CCDC102B: variants seen among roughly 807,000 people sequenced by gnomAD.
CCDC102B encodes the protein coiled-coil domain containing 102B.
A neutral mutation model predicts 57.4 loss-of-function variants in CCDC102B; 75 were observed. The ratio of observed to expected loss-of-function variants is 1.31; its 90% confidence interval spans 1.08 to 1.58. The LOEUF (loss-of-function observed/expected upper bound fraction) is 1.58. Among genes scored for constraint, CCDC102B ranks in the 40% most tolerant of loss-of-function variants. CCDC102B has a pLI of 0.00. For synonymous variants in CCDC102B, 206 were observed against 201.9 expected, an observed-to-expected ratio of 1.02 and a Z score of -0.17; for missense variants, 636 against 582.6, an observed-to-expected ratio of 1.09 and a Z score of -0.94.
intron 5 of CCDC102B, among the ~76,000 whole-genome samples, chr18:68,880,958 C>A (rs540790585): frequency 1.1e-3 from 165 of 152,280 alleles, no homozygotes; most frequent in African/African-American, 3.9e-3. Context: ...GTGTAGTTAG[C>A]AATGACTCAA....
chr18:69,043,059 A>T (rs1243476395), intron 7 of CCDC102B, among the ~76,000 whole-genome samples: 1 of 152,084 alleles, frequency 6.6e-6, no homozygotes, highest in African/African-American at 2.4e-5. Context: ...CAAGAGGGGG[A>T]TGTGTCAGGG....
chr18:68,745,881 G>A (rs1035315230), intron 2 of CCDC102B, among the ~76,000 whole-genome samples: 1 of 151,950 alleles, frequency 6.6e-6, no homozygotes, highest in African/African-American at 2.4e-5. Context: ...TGTCCTGCAC[G>A]CTCATTCATG....
At chr18:69,025,384 G>A (rs2051957050) in intron 7 of CCDC102B, among the ~76,000 whole-genome samples, 2 of 152,184 alleles carry the variant, frequency 1.3e-5, no homozygotes, top group South Asian at 4.1e-4. Context: ...AAGTTTCAAT[G>A]ACAGACTTTG....
intron 2 of CCDC102B, among the ~76,000 whole-genome samples, chr18:68,717,076 C>CAA (rs762558435): frequency 1.3e-4 from 13 of 103,214 alleles, no homozygotes; most frequent in South Asian, 3.3e-4. Context: ...GACTCTGTTT[C>CAA]AAAAAAAAAA....
chr18:68,827,854 T>C (rs1279133927), intron 1 of CCDC102B, among the ~76,000 whole-genome samples: 1 of 151,706 alleles, frequency 6.6e-6, no homozygotes, highest in Non-Finnish European at 1.5e-5. Context: ...AATAAAAGGA[T>C]GGAAAAAAGT....
At chr18:68,891,533 G>A (rs1359721695) in intron 5 of CCDC102B, among the ~76,000 whole-genome samples, 1 of 152,330 alleles carries the variant, frequency 6.6e-6, no homozygotes, top group African/African-American at 2.4e-5. Context: ...CTGTGACAAA[G>A]TGTGTATTGT....
At chr18:68,812,568 C>T (rs193257656) in intron 1 of CCDC102B, among the ~76,000 whole-genome samples, 183 of 152,184 alleles carry the variant, frequency 1.2e-3, no homozygotes, top group Admixed American at 3.1e-3. Flanking sequence ...CTAAATACCC[C>T]GTAGCAGAAG....
intron 6 of CCDC102B, among the ~76,000 whole-genome samples, chr18:68,997,853 G>A (rs2051073534): frequency 2.5e-5 from 2 of 79,182 alleles, no homozygotes; most frequent in African/African-American, 7.3e-5. Context: ...TTAATAATAT[G>A]TGTTTTTTTT....
chr18:68,974,997 G>A (rs951022727), intron 6 of CCDC102B, among the ~76,000 whole-genome samples: 3 of 151,834 alleles, frequency 2.0e-5, no homozygotes, highest in African/African-American at 7.3e-5. Context: ...AATACCTTAT[G>A]TTGAAAGATA....
At chr18:68,953,207 G>A (rs1199361030) in intron 6 of CCDC102B, among the ~76,000 whole-genome samples, 1 of 152,032 alleles carries the variant, frequency 6.6e-6, no homozygotes, top group Non-Finnish European at 1.5e-5. Flanking sequence ...ATACATTTGG[G>A]ACATATTTCT....
chr18:68,868,815 T>C (rs1208928553), intron 4 of CCDC102B, among the ~76,000 whole-genome samples: 1 of 152,064 alleles, frequency 6.6e-6, no homozygotes, highest in African/African-American at 2.4e-5. Flanking sequence ...TCAAACTCAG[T>C]GTGAAGAAGA....
At chr18:68,819,490 A>G (rs2036614322) in intron 1 of CCDC102B, among the ~76,000 whole-genome samples, 1 of 152,042 alleles carries the variant, frequency 6.6e-6, no homozygotes, top group African/African-American at 2.4e-5. Context: ...GCTTTATATC[A>G]TATTCATATC....
chr18:68,897,327 A>G lies in CCDC102B; in HGVS notation c.1162A>G (p.Lys388Glu). The G allele has an allele frequency of 1.2e-6, 2 of 1,613,228 alleles. No homozygotes were observed. Among genetic ancestry groups the G allele is most frequent in the South Asian group, 2.2e-5 (2 of 91,058 alleles). The change falls in exon 6 of 8, where the codon AAA (lysine) becomes GAA (glutamate). Residue 388 changes from lysine (K) to glutamate (E), a missense_variant. Coordinates refer to ENST00000360242, the MANE Select transcript of CCDC102B (RefSeq NM_024781.3). ...AAATAGAAGGCTGAAGATCCAGGTGAAAGAAATGGAAGAGCTTTTGGATAA... is the reference window on the plus strand; with the variant it reads ...AAATAGAAGGCTGAAGATCCAGGTGGAAGAAATGGAAGAGCTTTTGGATAA... ...RENRRLKIQV[K>E]EMEELLDKKN...
intron 1 of CCDC102B, among the ~76,000 whole-genome samples, chr18:68,834,194 A>G (rs541402844): frequency 6.6e-6 from 1 of 152,234 alleles, no homozygotes; most frequent in East Asian, 1.9e-4. Context: ...GGTAGGCAAG[A>G]TCTCAATGTA....
intron 6 of CCDC102B, 83 bp from the exon 7 acceptor site, chr18:69,010,851 C>T: frequency 1.0e-6 from 1 of 991,962 alleles, no homozygotes; most frequent in Non-Finnish European, 1.4e-6. Flanking sequence ...AAATGTTTTT[C>T]TCTTTTGTCA....
At chr18:68,821,247 C>A (rs2144738359) in intron 1 of CCDC102B, among the ~76,000 whole-genome samples, 1 of 151,974 alleles carries the variant, frequency 6.6e-6, no homozygotes, top group Non-Finnish European at 1.5e-5. Context: ...AATAGCAATG[C>A]CTAAAAATAA....
chr18:68,966,101 A>G (rs1461144790), intron 6 of CCDC102B, among the ~76,000 whole-genome samples: 1 of 152,144 alleles, frequency 6.6e-6, no homozygotes, highest in African/African-American at 2.4e-5. Flanking sequence ...ATACTGTTTG[A>G]TATTCGCCCA....
rs1319518607 is a variant in CCDC102B, at chr18:68,900,599, A to T, written c.1263+3171A>T. On this transcript the variant is annotated intron_variant, in intron 6 of 7. Transcript: ENST00000360242. ...TAAGTGTATTAAAAATTATAGTGGC[A>T]TCGAAAGTGGGGTATACATGTCACA... Among the ~76,000 whole-genome samples, 2 of 152,162 alleles carry T rather than the reference A, an allele frequency of 1.3e-5. 1 individual carries two copies. Among genetic ancestry groups the T allele is most frequent in the Non-Finnish European group, 2.9e-5 (2 of 68,026 alleles).
chr18:68,956,332 T>TATATATTATATATATAAA (rs2049847898), intron 6 of CCDC102B, among the ~76,000 whole-genome samples: 3 of 54,980 alleles, frequency 5.5e-5, no homozygotes, highest in South Asian at 6.4e-4. Context: ...TTATATATAT[T>TATATATTATATATATAAA]ATATATAATA....
Sources: allele counts gnomAD v4.1 joint callset (sites outside exome capture counted in the v4.1 genomes callset), GRCh38; gene constraint gnomAD v4.1.1; transcripts MANE v1.5; gene names NCBI Gene and HGNC (gene_info 2026-07-23, HGNC 2026-07-21).